Variants in SHISA6 observed in about 807,000 individuals in gnomAD.
The protein encoded by SHISA6 is protein shisa-6.
Under a neutral mutation model 47.9 loss-of-function variants are expected in SHISA6, and 22 were observed. The observed-to-expected ratio is 0.46, with a 90% confidence interval of 0.33 to 0.66. The LOEUF is 0.66. Among genes scored for constraint, SHISA6 ranks in the 30% least tolerant of loss-of-function variants. The pLI, the probability that SHISA6 is intolerant of heterozygous loss-of-function variation, is 0.02. For synonymous variants in SHISA6, 388 were observed against 337.8 expected (o/e 1.15, Z -1.63); for missense variants, 680 against 764.6 (o/e 0.89, Z 1.30).
intron 2 of SHISA6, among the ~76,000 whole-genome samples, chr17:11,359,985 T>C (rs889288466): frequency 1.3e-5 from 2 of 152,230 alleles, no homozygotes; most frequent in African/African-American, 4.8e-5. Flanking sequence ...CAAAGGATTA[T>C]AAATCATTCT....
At chr17:11,533,535 C>T (rs2071755794) in intron 3 of SHISA6, among the ~76,000 whole-genome samples, 1 of 151,638 alleles carries the variant, frequency 6.6e-6, no homozygotes, top group Non-Finnish European at 1.5e-5. Flanking sequence ...AATCAAGTCT[C>T]CTTTATAGCT....
chr17:11,552,961 T>A (rs2071943881), intron 4 of SHISA6, among the ~76,000 whole-genome samples: 2 of 152,194 alleles, frequency 1.3e-5, no homozygotes, highest in Non-Finnish European at 2.9e-5. Flanking sequence ...ATATGAAACC[T>A]TTTGAAGAAA....
At chr17:11,310,292 A>T (rs868413533) in intron 2 of SHISA6, among the ~76,000 whole-genome samples, 1 of 152,218 alleles carries the variant, frequency 6.6e-6, no homozygotes, top group Non-Finnish European at 1.5e-5. Context: ...GTGTCATAAT[A>T]CTGCTGTCAA....
chr17:11,382,927 CCTTTTTT>C lies in SHISA6; in HGVS notation c.895+3419_895+3425del, dbSNP rs1259337439. 1.5e-3 allele frequency among the ~76,000 whole-genome samples: 196 copies of C among 128,330 alleles called. 5 individuals carry two copies. The highest frequency in any genetic ancestry group is 5.3e-3 in the African/African-American group (183 of 34,466). The allele number at this position is 128,330 out of a possible 152,430, so 84.2% of individuals were successfully genotyped here. Reference sequence around the variant, plus strand: ...TCTTAGTCGACATCAGTCCTGTCAGCCTTTTTTTTTTTTTTTTTTTTTTTTTTGAGAC... The same window carrying C: ...TCTTAGTCGACATCAGTCCTGTCAGCTTTTTTTTTTTTTTTTTTTTGAGAC... On this transcript the variant is annotated intron_variant, in intron 3 of 5. Transcript: ENST00000441885.
chr17:11,276,769 C>A (rs114268492), intron 2 of SHISA6, among the ~76,000 whole-genome samples: 1 of 152,174 alleles, frequency 6.6e-6, no homozygotes, highest in African/African-American at 2.4e-5. Context: ...TCACCATCAT[C>A]ATCATCATCA....
chr17:11,279,765 G>C (rs1262103962), intron 2 of SHISA6, among the ~76,000 whole-genome samples: 1 of 151,774 alleles, frequency 6.6e-6, no homozygotes, highest in South Asian at 2.1e-4. Context: ...ATCCATAGCC[G>C]TAAGGTCACT....
Position 11,314,579 on chromosome 17 carries a change from A to G in SHISA6, c.799+51053A>G, listed in dbSNP as rs190652826. On this transcript the variant is annotated intron_variant, in intron 2 of 5. Coordinates refer to ENST00000441885, the MANE Select transcript of SHISA6 (RefSeq NM_207386.4). ...AGATGGAGTCCCGCTCTTGTTCCCC[A>G]GGCTCGAGTACAATGGCACAGTCTC... Among the ~76,000 whole-genome samples, 33 of 145,676 alleles carry G rather than the reference A, an allele frequency of 2.3e-4. 1 individual carries two copies. In the East Asian group the frequency reaches 6.9e-3, roughly 30 times the overall value.
intron 3 of SHISA6, 23 bp downstream of exon 3, chr17:11,379,532 C>A: frequency 6.7e-7 from 1 of 1,490,608 alleles, no homozygotes; most frequent in Non-Finnish European, 9.1e-7. Flanking sequence ...CCATTTTTTA[C>A]TAAAATACAG....
At chr17:11,252,109 G>A (rs1274083767) in intron 1 of SHISA6, among the ~76,000 whole-genome samples, 1 of 152,120 alleles carries the variant, frequency 6.6e-6, no homozygotes, top group Non-Finnish European at 1.5e-5. Context: ...AGAAGAGCAA[G>A]AGAACACTTG....
At chr17:11,246,479 G>C (rs1029864996) in intron 1 of SHISA6, among the ~76,000 whole-genome samples, 1 of 152,172 alleles carries the variant, frequency 6.6e-6, no homozygotes, top group Non-Finnish European at 1.5e-5. Context: ...GCCAGAGCGA[G>C]ACTCAGTCTC....
rs1481728862 is a variant in SHISA6 at position 11,388,829 on chromosome 17, TATATATATATA to T, written c.895+9321_895+9331del. ...ATATATATATATATATATATATATA[TATATATATATA>T]TTTTAAAAAAGGTAAAAAAAAAAAA... On this transcript the variant is annotated intron_variant, in intron 3 of 5. Transcript: ENST00000441885. 6.7e-4 allele frequency among the ~76,000 whole-genome samples: 69 copies of T among 102,316 alleles called. 1 individual carries two copies. Among genetic ancestry groups the T allele is most frequent in the African/African-American group, 9.4e-4 (21 of 22,326 alleles). 67.1% of individuals were successfully genotyped at this position (102,316 alleles called of 152,430 possible).
At chr17:11,352,409 G>A (rs1911920626) in intron 2 of SHISA6, among the ~76,000 whole-genome samples, 1 of 152,332 alleles carries the variant, frequency 6.6e-6, no homozygotes, top group Non-Finnish European at 1.5e-5. Context: ...TAATTAGGCA[G>A]TCACTAGTGC....
chr17:11,555,945 T>C (rs2071974863), intron 5 of SHISA6, 53 bp downstream of exon 5: 18 of 1,468,580 alleles, frequency 1.2e-5, no homozygotes, highest in East Asian at 2.5e-5. Context: ...CCAAGATATC[T>C]TCCTATGTCA....
intron 2 of SHISA6, among the ~76,000 whole-genome samples, chr17:11,304,982 AT>A (rs1404396601): frequency 6.6e-6 from 1 of 152,152 alleles, no homozygotes; most frequent in African/African-American, 2.4e-5. Context: ...TGTTGTTCCG[AT>A]TTTTATGTGG....
intron 3 of SHISA6, among the ~76,000 whole-genome samples, chr17:11,509,728 G>A (rs1163584085): frequency 1.3e-5 from 2 of 152,206 alleles, no homozygotes; most frequent in Non-Finnish European, 1.5e-5. Flanking sequence ...CGGAGGAAAT[G>A]GAGTGAGTTG....
chr17:11,529,539 A>G (rs1414722754), intron 3 of SHISA6, among the ~76,000 whole-genome samples: 3 of 152,240 alleles, frequency 2.0e-5, no homozygotes, highest in Non-Finnish European at 4.4e-5. Context: ...TAAGAAAAAC[A>G]ATATGTGTCC....
At chr17:11,526,965 T>C (rs2071692519) in intron 3 of SHISA6, among the ~76,000 whole-genome samples, 1 of 145,956 alleles carries the variant, frequency 6.9e-6, no homozygotes, top group African/African-American at 2.5e-5. Flanking sequence ...GTATTTAGGC[T>C]ATCCATCGCC....
intron 3 of SHISA6, among the ~76,000 whole-genome samples, chr17:11,386,954 A>T (rs937023395): frequency 6.6e-6 from 1 of 152,154 alleles, no homozygotes; most frequent in African/African-American, 2.4e-5. Context: ...ACAGTTGGTC[A>T]CCCTAATGGT....
intron 3 of SHISA6, among the ~76,000 whole-genome samples, chr17:11,430,663 T>G (rs575482117): frequency 2.1e-4 from 32 of 152,242 alleles, no homozygotes; most frequent in African/African-American, 7.5e-4. Context: ...CACCTTTACC[T>G]TGGCTGACCT....
Sources: gnomAD v4.1 joint callset for allele counts (sites outside exome capture counted in the v4.1 genomes callset) on GRCh38, gnomAD v4.1.1 for gene constraint, MANE v1.5 for transcripts, NCBI Gene and HGNC (gene_info 2026-07-23, HGNC 2026-07-21) for gene names.